Variants in NTRK1 observed in about 807,000 individuals in gnomAD.
The protein encoded by NTRK1 is high affinity nerve growth factor receptor.
Under a neutral mutation model 86.8 loss-of-function variants are expected in NTRK1, and 62 were observed. That is an observed-to-expected ratio of 0.71 (90% CI 0.58 to 0.88). The LOEUF (loss-of-function observed/expected upper bound fraction) is 0.88. Ranked by LOEUF, NTRK1 falls within the 40% of genes least tolerant of loss-of-function variation. The pLI is 0.00. For missense variants in NTRK1, 967 were observed against 1,078.4 expected (o/e 0.90, Z 1.45); for synonymous variants, 469 against 456.6 (o/e 1.03, Z -0.35).
chr1:156,835,553 C>T (rs954820946), intron 1 of NTRK1, among the ~76,000 whole-genome samples: 5 of 152,154 alleles, frequency 3.3e-5, no homozygotes, highest in African/African-American at 1.2e-4. Context: ...AACTCATCAC[C>T]CAGATGCATA....
Position 156,873,990 on chromosome 1 carries a change from C to T in NTRK1, c.1177+31C>T, listed in dbSNP as rs16837732. 6.5e-3 allele frequency: 9,962 copies of T among 1,543,040 alleles called. 54 individuals are homozygous for T. Among genetic ancestry groups the T allele is most frequent in the Non-Finnish European group, 7.4e-3 (8,377 of 1,139,212 alleles). ...AGGGCCATCCTGAACCCTGCCCCCA[C>T]TCCTGGGCTCCTCCTGGGTTACAGC... On this transcript the variant is annotated intron_variant, in intron 8 of 16. Coordinates refer to ENST00000524377, the MANE Select transcript of NTRK1 (RefSeq NM_002529.4).
intron 14 of NTRK1, 88 bp from the exon 15 acceptor site, chr1:156,879,034 A>G: frequency 6.6e-7 from 1 of 1,508,546 alleles, no homozygotes; most frequent in Non-Finnish European, 9.1e-7. Flanking sequence ...CTCCTCTCCC[A>G]TCACACGCGG....
At chr1:156,864,935 C>A in intron 3 of NTRK1, 136 bp downstream of exon 3, 1 of 830,970 alleles carries the variant, frequency 1.2e-6, no homozygotes, top group Non-Finnish European at 2.0e-6. Context: ...CACCATTCTC[C>A]TGGGGCTTCC....
rs144609655 is a variant in NTRK1, at chr1:156,868,121, C to A, written c.446C>A (p.Pro149His). 7.4e-6 allele frequency: 12 copies of A among 1,613,956 alleles called. No individual in the cohort carries two copies. The African/African-American group carries it at 1.6e-4, about 22-fold the overall frequency. The change falls in exon 5 of 17, where the codon CCT becomes CAT. Residue 149 changes from proline (P) to histidine (H), a missense_variant. Physicochemically the swap from Pro to His is moderately conservative, Grantham distance 77. This residue lies in a region of NTRK1 where 330 missense variants were observed against 302.0 expected (regional missense o/e 1.09). Coordinates refer to ENST00000524377, the MANE Select transcript of NTRK1 (RefSeq NM_002529.4). ...SLQELVLSGN[P>H]LHCSCALRWL... Reference sequence around the variant, plus strand: ...CCCCCCAGGGTCCTGTCGGGGAACCCTCTGCACTGTTCTTGTGCCCTGCGC... The same window carrying A: ...CCCCCCAGGGTCCTGTCGGGGAACCATCTGCACTGTTCTTGTGCCCTGCGC...
intron 2 of NTRK1, chr1:156,845,387 T>C (rs756379503): frequency 4.5e-6 from 7 of 1,568,132 alleles, no homozygotes; most frequent in Non-Finnish European, 6.1e-6. Context: ...GGGGCTCTTG[T>C]TGATGGACGT....
intron 2 of NTRK1, chr1:156,849,081 C>G (rs1354106738): frequency 1.2e-6 from 2 of 1,604,056 alleles, no homozygotes; most frequent in East Asian, 4.5e-5. Context: ...CGCAACCGCG[C>G]CTGCCAGCTG....
chr1:156,866,742 C>G (rs559873875), intron 3 of NTRK1, among the ~76,000 whole-genome samples, 168 bp from the exon 4 acceptor site: 3 of 147,892 alleles, frequency 2.0e-5, no homozygotes, highest in South Asian at 2.2e-4. Context: ...CCCCACCCCC[C>G]ACCCCACCAT....
At chr1:156,879,562 C>T (rs917045855) in intron 15 of NTRK1, among the ~76,000 whole-genome samples, 200 bp downstream of exon 15, 3 of 152,144 alleles carry the variant, frequency 2.0e-5, no homozygotes, top group Admixed American at 6.5e-5. Context: ...ACAGCACCTT[C>T]GGTTTTTGCC....
chr1:156,849,339 C>A, intron 2 of NTRK1: 1 of 1,613,904 alleles, frequency 6.2e-7, no homozygotes, highest in Non-Finnish European at 8.5e-7. Flanking sequence ...TAGATGTGTT[C>A]CAAGCAGAGG....
At chr1:156,864,587 A>G in intron 2 of NTRK1, 141 bp from the exon 3 acceptor site, 1 of 1,117,060 alleles carries the variant, frequency 9.0e-7, no homozygotes, top group Admixed American at 2.0e-5. Context: ...TGAGGGGTCT[A>G]GAGTAGTTGA....
chr1:156,841,566 C>T (rs377055667), intron 1 of NTRK1: 20 of 1,613,388 alleles, frequency 1.2e-5, no homozygotes, highest in African/African-American at 4.0e-5. Flanking sequence ...CAGCACCCTT[C>T]GTGCTACTCA....
rs1488758289 is a variant in NTRK1, at chr1:156,864,966, G to T, written c.359+167G>T. ...CTTCCTCCCATCTCCCTCAGGGATG[G>T]CATGCTCTCGCCCCTGACAGCTAGA... is the stretch of plus-strand genomic sequence containing the variant. On this transcript the variant is annotated intron_variant, in intron 3 of 16. Coordinates refer to ENST00000524377, the MANE Select transcript of NTRK1 (RefSeq NM_002529.4). The T allele has an allele frequency of 1.4e-5, 10 of 698,782 alleles. No homozygotes were observed. The Admixed American group carries it at 2.1e-4, about 14-fold the overall frequency. 43.3% of individuals were successfully genotyped at this position (698,782 alleles called of 1,614,324 possible). A position where few individuals can be genotyped will look rare whatever the true frequency, so the allele number is the denominator to read the frequency against.
intron 1 of NTRK1, among the ~76,000 whole-genome samples, chr1:156,821,479 GTGTGT>G (rs1654188732): frequency 6.6e-6 from 1 of 151,624 alleles, no homozygotes; most frequent in Non-Finnish European, 1.5e-5. Context: ...GTGTGTGTGT[GTGTGT>G]GTGTGTGTGT....
chr1:156,867,083 T>TG (rs1490872506), intron 4 of NTRK1, 105 bp downstream of exon 4: 5 of 1,188,880 alleles, frequency 4.2e-6, no homozygotes, highest in Admixed American at 1.7e-5. Flanking sequence ...GTGACACTGC[T>TG]GGGGGGTCTC....
At chr1:156,847,751 G>A (rs2102861462) in intron 2 of NTRK1, among the ~76,000 whole-genome samples, 1 of 152,226 alleles carries the variant, frequency 6.6e-6, no homozygotes, top group East Asian at 1.9e-4. Flanking sequence ...GGGTCTGTTT[G>A]GAGTCAGGAT....
chr1:156,845,868 T>C (rs1341594931), intron 2 of NTRK1: 1 of 1,598,390 alleles, frequency 6.3e-7, no homozygotes, highest in Non-Finnish European at 8.5e-7. Context: ...CCGCCTCTGA[T>C]CCCCCCCACC....
intron 1 of NTRK1, among the ~76,000 whole-genome samples, chr1:156,817,401 T>C (rs559744609): frequency 6.4e-4 from 97 of 151,748 alleles, no homozygotes; most frequent in South Asian, 8.3e-4. Flanking sequence ...CTGGGTAACA[T>C]AGTGAGAGCC....
Position 156,854,253 on chromosome 1 carries a change from C to T in NTRK1, c.51-10101C>T. The T allele has an allele frequency of 6.2e-7, 1 of 1,613,746 alleles. No homozygotes were observed. Reference sequence around the variant, plus strand: ...TGGCCCTCCACCACGCTGCAGTTCTCCAGCTGACGAAGCTCTGCCACCTCT... The same window carrying T: ...TGGCCCTCCACCACGCTGCAGTTCTTCAGCTGACGAAGCTCTGCCACCTCT... On this transcript the variant is annotated intron_variant, in intron 2 of 16. Coordinates refer to the NTRK1 transcript ENST00000392302. This position sits in a 1 kb window ranked among gnomAD's most constrained non-coding sequence, Gnocchi z 4.2.
intron 14 of NTRK1, 129 bp downstream of exon 14, chr1:156,876,701 C>G: frequency 8.5e-7 from 1 of 1,176,690 alleles, no homozygotes; most frequent in Non-Finnish European, 1.2e-6. Flanking sequence ...AAGGCACATT[C>G]CCGTCCCCAG....
Sources: gnomAD v4.1 joint callset for allele counts (sites outside exome capture counted in the v4.1 genomes callset) on GRCh38, gnomAD v4.1.1 for gene constraint, gnomAD v4.1.1 regional missense constraint, Gnocchi (gnomAD v3.1) non-coding constraint, MANE v1.5 for transcripts, NCBI Gene and HGNC (gene_info 2026-07-23, HGNC 2026-07-21) for gene names.